The following UGT1A7 variants were observed in gnomAD, a reference collection of about 807,000 sequenced individuals.
UGT1A7 encodes UDP-glucuronosyltransferase 1A7.
In UGT1A7, 33 loss-of-function variants were observed where a neutral mutation model predicts 45.6. The observed-to-expected ratio is 0.72, with a 90% CI of 0.55 to 0.97. The LOEUF (loss-of-function observed/expected upper bound fraction) is 0.97. Ranked by LOEUF, UGT1A7 falls within the 50% of genes least tolerant of loss-of-function variation. UGT1A7 has a pLI of 0.00. For synonymous variants in UGT1A7, 274 were observed against 250.6 expected (o/e 1.09, Z -0.88); for missense variants, 684 against 666.2 (o/e 1.03, Z -0.29).
At chr2:233,696,501 T>C (rs1019151525) in intron 1 of UGT1A7, among the ~76,000 whole-genome samples, 1 of 152,252 alleles carries the variant, frequency 6.6e-6, no homozygotes, top group Admixed American at 6.5e-5. Flanking sequence ...CGAATTTGCT[T>C]GTCAGTTCTA....
chr2:233,713,502 T>C lies in UGT1A7; in HGVS notation c.855+30710T>C. The C allele has an allele frequency of 6.2e-7, 1 of 1,613,988 alleles. No homozygotes were observed. The highest frequency in any genetic ancestry group is 8.5e-7 in the Non-Finnish European group (1 of 1,179,898). On this transcript the variant is annotated intron_variant, in intron 1 of 4. Coordinates refer to ENST00000373426, the MANE Select transcript of UGT1A7 (RefSeq NM_019077.3). ...TAAGTACCTGTCGATTCCTGCTGTG[T>C]TTTTCTTGAGGAACATTCCATGTGA...
rs537799034 is a variant in UGT1A7 at position 233,731,712 on chromosome 2, C to T, written c.856-35322C>T. Among the ~76,000 whole-genome samples, 65 of 152,262 alleles carry T rather than the reference C, an allele frequency of 4.3e-4. No individual in the cohort carries two copies. The South Asian group carries it at 0.013, about 30-fold the overall frequency. ...ATGGACATTTGGATTGGTTCCAGGT[C>T]TTTGCTATTGTGAATAGTGCCACAA... On this transcript the variant is annotated intron_variant, in intron 1 of 4. Coordinates refer to ENST00000373426, the MANE Select transcript of UGT1A7 (RefSeq NM_019077.3).
At chr2:233,764,627 A>C (rs2126011336) in intron 1 of UGT1A7, among the ~76,000 whole-genome samples, 1 of 152,212 alleles carries the variant, frequency 6.6e-6, no homozygotes, top group South Asian at 2.1e-4. Flanking sequence ...CATGAAGAGC[A>C]AAGGTCCTAG....
chr2:233,686,521 C>T (rs752399800), intron 1 of UGT1A7, among the ~76,000 whole-genome samples: 3 of 152,078 alleles, frequency 2.0e-5, no homozygotes, highest in African/African-American at 4.8e-5. Context: ...CCTCCACCTG[C>T]GTTAGAACCT....
At chr2:233,766,838 C>A (rs906628829) in intron 1 of UGT1A7, among the ~76,000 whole-genome samples, 196 bp from the exon 2 acceptor site, 7 of 152,156 alleles carry the variant, frequency 4.6e-5, no homozygotes, top group African/African-American at 1.7e-4. Context: ...TAAGCAGGAA[C>A]CCTTCCTCCT....
At chr2:233,727,115 G>A (rs1162541205) in intron 1 of UGT1A7, among the ~76,000 whole-genome samples, 1 of 152,220 alleles carries the variant, frequency 6.6e-6, no homozygotes, top group Non-Finnish European at 1.5e-5. Context: ...TTAGGTCTGT[G>A]AGATTGGCAG....
chr2:233,698,504 T>C (rs2125575821), intron 1 of UGT1A7, among the ~76,000 whole-genome samples: 2 of 152,244 alleles, frequency 1.3e-5, no homozygotes, highest in East Asian at 1.9e-4. Flanking sequence ...ATTAGGCAAA[T>C]CACATAATCG....
At chr2:233,765,122 G>A (rs181302961) in intron 1 of UGT1A7, among the ~76,000 whole-genome samples, 232 of 152,218 alleles carry the variant, frequency 1.5e-3, no homozygotes, top group Admixed American at 3.1e-3. Context: ...GACTGTTCAG[G>A]TTTTAGCACT....
rs1416949320 is a variant in UGT1A7 at position 233,682,126 on chromosome 2, T to C, written c.189T>C (p.Ser63=). Residue 63 remains serine, a synonymous_variant, in exon 1 of 5, where the codon AGT becomes AGC. Transcript: ENST00000373426. ...HEVVVVMPEV[S]WQLGRSLNCT... is the part of the protein sequence containing the mutation. ...TGGTCGTAGTCATGCCAGAGGTGAG[T>C]TGGCAACTGGGAAGATCACTGAATT... 3 of 1,614,070 alleles carry C rather than the reference T, an allele frequency of 1.9e-6. No homozygotes were observed. The highest frequency in any genetic ancestry group is 2.5e-6 in the Non-Finnish European group (3 of 1,179,998).
chr2:233,706,644 G>A (rs908967467), intron 1 of UGT1A7, among the ~76,000 whole-genome samples: 2 of 152,156 alleles, frequency 1.3e-5, no homozygotes, highest in African/African-American at 4.8e-5. Context: ...CTGTGTCTGT[G>A]CCCCATCACT....
chr2:233,727,441 G>T (rs2077617146), intron 1 of UGT1A7, among the ~76,000 whole-genome samples: 1 of 152,130 alleles, frequency 6.6e-6, no homozygotes, highest in African/African-American at 2.4e-5. Flanking sequence ...CATGTGACAA[G>T]AAATCAGATG....
At chr2:233,749,912 GT>G (rs559529572) in intron 1 of UGT1A7, among the ~76,000 whole-genome samples, 2 of 151,864 alleles carry the variant, frequency 1.3e-5, no homozygotes, top group African/African-American at 4.9e-5. Context: ...ACCTGGAACT[GT>G]GAGTCAATTA....
intron 1 of UGT1A7, among the ~76,000 whole-genome samples, chr2:233,757,613 T>G (rs972874024): frequency 6.8e-6 from 1 of 146,622 alleles, no homozygotes; most frequent in Non-Finnish European, 1.5e-5. Context: ...TGCAAACTGC[T>G]AAAAGATACA....
At chr2:233,765,711 T>TTAA (rs10664358) in intron 1 of UGT1A7, among the ~76,000 whole-genome samples, 1,596 of 149,282 alleles carry the variant, frequency 0.011, 27 homozygotes, top group African/African-American at 0.036. Context: ...ATAATAATAA[T>TTAA]TAATAATAAT....
intron 1 of UGT1A7, among the ~76,000 whole-genome samples, chr2:233,745,523 G>A (rs530279744): frequency 2.0e-5 from 3 of 151,672 alleles, no homozygotes; most frequent in African/African-American, 2.4e-5. Context: ...GGTCTAATGG[G>A]GATGTGTTAT....
intron 1 of UGT1A7, among the ~76,000 whole-genome samples, chr2:233,707,679 A>G (rs2075981057): frequency 6.6e-6 from 1 of 151,910 alleles, no homozygotes; most frequent in Admixed American, 6.6e-5. Flanking sequence ...TCTACTGTTG[A>G]TGGGCTTTGG....
chr2:233,752,553 G>A (rs189829864), intron 1 of UGT1A7: 3 of 152,252 alleles, frequency 2.0e-5, no homozygotes, highest in East Asian at 1.9e-4. Flanking sequence ...CTCTTGCTGG[G>A]ACAACATAGT....
chr2:233,693,544 T>C (rs888897254), intron 1 of UGT1A7: 2 of 1,614,184 alleles, frequency 1.2e-6, no homozygotes, highest in Admixed American at 3.3e-5. Context: ...CCCTGGAGCA[T>C]ACATTCAGCA....
chr2:233,768,076 A>G (rs1699558493), intron 3 of UGT1A7, 140 bp downstream of exon 3: 2 of 1,593,048 alleles, frequency 1.3e-6, no homozygotes, highest in African/African-American at 1.3e-5. Flanking sequence ...CTAGTGGGGT[A>G]TCTCAACCCA....
Sources: allele counts gnomAD v4.1 joint callset (sites outside exome capture counted in the v4.1 genomes callset), GRCh38; gene constraint gnomAD v4.1.1; transcripts MANE v1.5; gene names NCBI Gene and HGNC (gene_info 2026-07-23, HGNC 2026-07-21).